The following FREM1 variants were observed in gnomAD, a reference collection of about 807,000 sequenced individuals.
FREM1 encodes FRAS1-related extracellular matrix protein 1.
In FREM1, 220 loss-of-function variants were observed where a neutral mutation model predicts 210.1. The ratio of observed to expected loss-of-function variants is 1.05; its 90% CI spans 0.94 to 1.17. FREM1 has a LOEUF of 1.17. Among genes scored for constraint, FREM1 ranks in the 50% most tolerant of loss-of-function variants. FREM1 has a pLI of 0.00. For missense variants in FREM1, 3,454 were observed against 2,675.5 expected (o/e 1.29, Z -6.42); for synonymous variants, 1,189 against 980.2 (o/e 1.21, Z -3.98).
intron 5 of FREM1, among the ~76,000 whole-genome samples, chr9:14,852,493 G>T (rs2779497): frequency 6.6e-6 from 1 of 151,956 alleles, no homozygotes; most frequent in African/African-American, 2.4e-5. Flanking sequence ...TTTGAGACCA[G>T]CCTAGGCAAC....
At chr9:14,821,143 T>C (rs1206576783) in intron 13 of FREM1, among the ~76,000 whole-genome samples, 1 of 152,192 alleles carries the variant, frequency 6.6e-6, no homozygotes, top group Non-Finnish European at 1.5e-5. Flanking sequence ...CCCGTGGTTA[T>C]CACTTGGCCA....
At chr9:14,760,427 T>C (rs1183035932) in intron 27 of FREM1, among the ~76,000 whole-genome samples, 1 of 152,198 alleles carries the variant, frequency 6.6e-6, no homozygotes, top group Admixed American at 6.5e-5. Context: ...TACATGTGTT[T>C]CATAAGTGTT....
At chr9:14,773,605 A>ATTTTT (rs60938956) in intron 25 of FREM1, among the ~76,000 whole-genome samples, 3 of 143,560 alleles carry the variant, frequency 2.1e-5, no homozygotes, top group African/African-American at 7.7e-5. Flanking sequence ...ACACGTAATG[A>ATTTTT]TTTTTTTTTT....
chr9:14,766,739 TCA>T, intron 27 of FREM1, among the ~76,000 whole-genome samples: 1 of 152,298 alleles, frequency 6.6e-6, no homozygotes, highest in East Asian at 1.9e-4. Context: ...TTGAGCTTTA[TCA>T]CAGAGGTTTC....
intron 6 of FREM1, among the ~76,000 whole-genome samples, chr9:14,849,848 C>T (rs896325535): frequency 2.0e-5 from 3 of 152,134 alleles, no homozygotes; most frequent in African/African-American, 7.2e-5. Context: ...AAACTACACA[C>T]AGGAAGAGGC....
At chr9:14,861,910 A>G (rs1261402104) in intron 3 of FREM1, among the ~76,000 whole-genome samples, 1 of 152,210 alleles carries the variant, frequency 6.6e-6, no homozygotes, top group Non-Finnish European at 1.5e-5. Context: ...GTGCTATCAA[A>G]TACTAGGTCT....
intron 27 of FREM1, among the ~76,000 whole-genome samples, chr9:14,768,636 G>A (rs1034819473): frequency 6.6e-6 from 1 of 152,098 alleles, no homozygotes; most frequent in African/African-American, 2.4e-5. Flanking sequence ...CGAGGCAACG[G>A]AGTGGGACGC....
At chr9:14,817,211 C>A (rs991819976) in intron 14 of FREM1, among the ~76,000 whole-genome samples, 6 of 152,142 alleles carry the variant, frequency 3.9e-5, no homozygotes, top group African/African-American at 1.2e-4. Flanking sequence ...CCAGGAGAAC[C>A]CTCAGACTGA....
chr9:14,765,500 A>T (rs1846233475), intron 27 of FREM1, among the ~76,000 whole-genome samples: 1 of 152,240 alleles, frequency 6.6e-6, no homozygotes, highest in Admixed American at 6.5e-5. Flanking sequence ...GCACCTGTAC[A>T]CAGTGGGTGC....
intron 10 of FREM1, among the ~76,000 whole-genome samples, chr9:14,835,914 C>T (rs1482802799): frequency 3.9e-5 from 6 of 152,150 alleles, no homozygotes; most frequent in Non-Finnish European, 5.9e-5. Flanking sequence ...TTTTTGCCTA[C>T]GTTTTAGACG....
At position 14,803,505 on chromosome 9, in the gene FREM1, T is replaced by C. The variant is rs543428446; in HGVS notation, c.3471+1451A>G. 9.9e-5 allele frequency among the ~76,000 whole-genome samples: 15 copies of C among 152,056 alleles called. No individual in the cohort carries two copies. The East Asian group carries it at 2.5e-3, about 26-fold the overall frequency. ...CCCCAAGTAGCTAGGACCATAGGCATGTGTCACCAGCCTGGCTAATTTTTA... is the reference window on the plus strand; with the variant it reads ...CCCCAAGTAGCTAGGACCATAGGCACGTGTCACCAGCCTGGCTAATTTTTA... On this transcript the variant is annotated intron_variant, in intron 19 of 36. Coordinates refer to ENST00000380880, the MANE Select transcript of FREM1 (RefSeq NM_001379081.2).
chr9:14,749,467 A>G (rs1454240092), intron 30 of FREM1, among the ~76,000 whole-genome samples: 1 of 152,208 alleles, frequency 6.6e-6, no homozygotes, highest in African/African-American at 2.4e-5. Context: ...ATGGGAGTGT[A>G]AGATTGAGTA....
chr9:14,878,686 G>A (rs1420259484), intron 1 of FREM1, among the ~76,000 whole-genome samples: 1 of 152,104 alleles, frequency 6.6e-6, no homozygotes, highest in African/African-American at 2.4e-5. Context: ...CCCTCACGAA[G>A]ATGTTAATTT....
At chr9:14,815,918 G>A (rs1820222267) in intron 15 of FREM1, among the ~76,000 whole-genome samples, 1 of 152,132 alleles carries the variant, frequency 6.6e-6, no homozygotes, top group African/African-American at 2.4e-5. Flanking sequence ...AAAGTGCTGG[G>A]ATTACAGGTG....
intron 25 of FREM1, among the ~76,000 whole-genome samples, chr9:14,771,961 T>C (rs969050780): frequency 6.6e-6 from 1 of 152,094 alleles, no homozygotes; most frequent in Non-Finnish European, 1.5e-5. Flanking sequence ...AATGTTTGTA[T>C]AGACATAGGC....
At chr9:14,824,317 G>C (rs1377757794) in intron 11 of FREM1, among the ~76,000 whole-genome samples, 2 of 152,124 alleles carry the variant, frequency 1.3e-5, no homozygotes, top group African/African-American at 4.8e-5. Context: ...CAAAAGGTAT[G>C]TACAGAATCT....
In FREM1 at chr9:14,737,379, T is replaced by C. The variant is rs778960831; in HGVS notation, c.*17A>G. On this transcript the variant is annotated 3_prime_UTR_variant, in exon 37 of 37. Coordinates refer to ENST00000380880, the MANE Select transcript of FREM1 (RefSeq NM_001379081.2). ...AGGTGACAAACTCCAGGTGGCCCCC[T>C]GTAGGGTCTGTTATATTTAGAGTTT... 6.2e-7 allele frequency: 1 copy of C among 1,604,738 alleles called. No homozygotes were observed. Among genetic ancestry groups the C allele is most frequent in the Non-Finnish European group, 8.5e-7 (1 of 1,173,092 alleles).
intron 5 of FREM1, among the ~76,000 whole-genome samples, chr9:14,856,517 G>T (rs1828759291): frequency 6.6e-6 from 1 of 152,132 alleles, no homozygotes; most frequent in South Asian, 2.1e-4. Flanking sequence ...AAGCCAGATT[G>T]TGAAAGATAG....
chr9:14,806,086 T>G (rs979461392), intron 18 of FREM1, among the ~76,000 whole-genome samples: 3 of 152,206 alleles, frequency 2.0e-5, no homozygotes, highest in African/African-American at 7.2e-5. Flanking sequence ...CCATTCTTTC[T>G]TCAATGTTTA....
Sources: allele counts gnomAD v4.1 joint callset (sites outside exome capture counted in the v4.1 genomes callset), GRCh38; gene constraint gnomAD v4.1.1; transcripts MANE v1.5; gene names NCBI Gene and HGNC (gene_info 2026-07-23, HGNC 2026-07-21).